The following NWD1 variants were observed in gnomAD, a reference collection of about 807,000 sequenced individuals.
NWD1 encodes the protein NACHT domain- and WD repeat-containing protein 1.
A neutral mutation model predicts 135.1 loss-of-function variants in NWD1; 129 were observed. The observed-to-expected ratio is 0.96, with a 90% confidence interval of 0.83 to 1.11. The LOEUF is 1.11. NWD1 is among the 50% of genes least tolerant of loss of function. The pLI is 0.00. For missense variants in NWD1, 1,740 were observed against 1,851.3 expected, an observed-to-expected ratio of 0.94 and a Z score of 1.10; for synonymous variants, 773 against 786.0, an observed-to-expected ratio of 0.98 and a Z score of 0.28.
chr19:16,816,858 T>C lies in NWD1; in HGVS notation c.*1819T>C, dbSNP rs1467097003. ...CAGGTTTTGGTAGTTCTGCAAATGT[T>C]AGTGTCAAATTTCATTTAAAAATAT... On this transcript the variant is annotated 3_prime_UTR_variant, in exon 19 of 19. Coordinates refer to ENST00000524140, the MANE Select transcript of NWD1 (RefSeq NM_001007525.5). 6.6e-6 allele frequency: 1 copy of C among 152,202 alleles called. No homozygotes were observed. The highest frequency in any genetic ancestry group is 1.5e-5 in the Non-Finnish European group (1 of 68,026). The allele number at this position is 152,202 out of a possible 1,614,324, so 9.4% of individuals were successfully genotyped here. A position where few individuals can be genotyped will look rare whatever the true frequency, so the allele number is the denominator to read the frequency against.
chr19:16,723,088 C>G (rs1216938534), intron 1 of NWD1, among the ~76,000 whole-genome samples: 1 of 152,032 alleles, frequency 6.6e-6, no homozygotes, highest in African/African-American at 2.4e-5. Flanking sequence ...GAGTCTCTCT[C>G]TGTTGCCCAG....
At position 16,807,900 on chromosome 19, in the gene NWD1, C is replaced by G. The variant is rs1488833073; in HGVS notation, c.4051C>G (p.Leu1351Val). 2 of 1,614,216 alleles carry G rather than the reference C, an allele frequency of 1.2e-6. No individual in the cohort carries two copies. The highest frequency in any genetic ancestry group is 1.7e-6 in the Non-Finnish European group (2 of 1,180,044). Residue 1351 changes from leucine (L) to valine (V), a missense_variant, in exon 18 of 19, where the codon CTC (leucine) becomes GTC (valine). By Grantham distance (32) the Leu-to-Val change is conservative. Transcript: ENST00000524140. The stretch of plus-strand genomic sequence containing the variant: ...CTTTTACACTCAGCTGCCCGAGACC[C>G]TCTCCAGCGTGGCCATTCTGACGGA... The part of the protein sequence containing the change: ...YTFYTQLPET[L>V]SSVAILTDYR...
At chr19:16,788,945 C>G in intron 12 of NWD1, 37 bp from the exon 13 acceptor site, 1 of 1,504,822 alleles carries the variant, frequency 6.6e-7, no homozygotes, top group South Asian at 1.1e-5. Flanking sequence ...AAAATGTTCC[C>G]AGCTAATATA....
chr19:16,812,831 T>C, intron 18 of NWD1: 1 of 780,962 alleles, frequency 1.3e-6, no homozygotes, highest in Non-Finnish European at 2.4e-6. Flanking sequence ...GCTCTATACT[T>C]GTTTGGAGTG....
At chr19:16,739,161 G>A (rs964291160) in intron 4 of NWD1, among the ~76,000 whole-genome samples, 3 of 143,188 alleles carry the variant, frequency 2.1e-5, no homozygotes, top group Non-Finnish European at 4.5e-5. Flanking sequence ...TTTCAAAGGA[G>A]CCCAATGATC....
chr19:16,762,070 T>G lies in NWD1; in HGVS notation c.2065T>G (p.Trp689Gly). ...GVLADFFSGT[W>G]SQGTKKLITL... Reference sequence around the variant, plus strand: ...CCTGGCCGACTTCTTCTCAGGGACCTGGAGCCAGGGTACCAAGAAGCTCAT... The same window carrying G: ...CCTGGCCGACTTCTTCTCAGGGACCGGGAGCCAGGGTACCAAGAAGCTCAT... Residue 689 changes from tryptophan to glycine, a missense_variant, in exon 8 of 19, where the codon TGG becomes GGG. By Grantham distance (184) the Trp-to-Gly change is radical. Coordinates refer to ENST00000524140, the MANE Select transcript of NWD1 (RefSeq NM_001007525.5). 6.2e-7 allele frequency: 1 copy of G among 1,614,090 alleles called. No individual in the cohort carries two copies.
chr19:16,786,563 T>G (rs1186504054), intron 12 of NWD1, among the ~76,000 whole-genome samples: 85 of 151,824 alleles, frequency 5.6e-4, no homozygotes, highest in Admixed American at 5.5e-3. Flanking sequence ...CTTTTTTTTT[T>G]TGAGACAGAG....
At chr19:16,783,887 G>A (rs1463988945) in intron 12 of NWD1, among the ~76,000 whole-genome samples, 1 of 151,980 alleles carries the variant, frequency 6.6e-6, no homozygotes. Context: ...TGCCATATTA[G>A]GTATTGTAAG....
chr19:16,772,372 A>T (rs1191854421), intron 10 of NWD1, among the ~76,000 whole-genome samples: 1 of 152,054 alleles, frequency 6.6e-6, no homozygotes, highest in East Asian at 1.9e-4. Flanking sequence ...CTCTAAAAAA[A>T]TAAATAGCCA....
At chr19:16,731,315 ATT>A in intron 3 of NWD1, 37 bp downstream of exon 3, 2 of 1,283,212 alleles carry the variant, frequency 1.6e-6, no homozygotes, top group Non-Finnish European at 1.1e-6. Flanking sequence ...TGCTTTTTTT[ATT>A]TTTTTTTGAC....
Position 16,762,132 on chromosome 19 carries a change from C to T in NWD1, c.2127C>T (p.Asp709=). Residue 709 remains aspartate, a synonymous_variant, in exon 8 of 19, where the codon GAC becomes GAT. Transcript: ENST00000524140. ...LPLVGKPLNL[D]RKVAPQPLWF... The stretch of plus-strand genomic sequence containing the variant: ...TTGTGGGGAAACCACTGAACTTGGA[C>T]CGAAAGGTGAGGTACCTGGGACCCC... 6.2e-7 allele frequency: 1 copy of T among 1,612,658 alleles called. No homozygotes were observed. Among genetic ancestry groups the T allele is most frequent in the Non-Finnish European group, 8.5e-7 (1 of 1,178,958 alleles).
At chr19:16,799,184 A>G (rs2361631) in intron 16 of NWD1, among the ~76,000 whole-genome samples, 90 of 151,894 alleles carry the variant, frequency 5.9e-4, no homozygotes, top group African/African-American at 2.0e-3. Flanking sequence ...TGTATTTCTT[A>G]TTTTCTTATT....
At chr19:16,769,459 T>TA (rs35986056) in intron 10 of NWD1, among the ~76,000 whole-genome samples, 21,736 of 147,938 alleles carry the variant, frequency 0.15, 2,174 homozygotes, top group African/African-American at 0.29. Context: ...AAAATTCCAT[T>TA]AAAAAAAAAA....
At position 16,747,279 on chromosome 19, in the gene NWD1, C is replaced by A. The variant is rs150160530; in HGVS notation, c.497-1860C>A. ...CTCGAACTCCTGACCTCTTGATCGG[C>A]CCGCCTTGGCCTCCCAAAGTGCTGG... On this transcript the variant is annotated intron_variant, in intron 5 of 18. Transcript: ENST00000524140. Among the ~76,000 whole-genome samples the A allele has an allele frequency of 8.9e-3, 1,356 of 151,580 alleles. 24 individuals are homozygous for A. The highest frequency in any genetic ancestry group is 0.031 in the African/African-American group (1,304 of 41,410).
intron 10 of NWD1, among the ~76,000 whole-genome samples, chr19:16,766,010 C>G (rs1969209137): frequency 7.6e-6 from 1 of 131,522 alleles, no homozygotes; most frequent in Non-Finnish European, 1.6e-5. Context: ...GAGTGAGACT[C>G]CGTCTCAAAA....
intron 6 of NWD1, among the ~76,000 whole-genome samples, chr19:16,756,481 G>A (rs1457591139): frequency 1.3e-5 from 2 of 151,974 alleles, no homozygotes; most frequent in African/African-American, 4.8e-5. Context: ...TTCTTCAAGG[G>A]TCAACTATAT....
chr19:16,798,012 C>G, intron 16 of NWD1, 126 bp downstream of exon 16: 1 of 827,938 alleles, frequency 1.2e-6, no homozygotes, highest in East Asian at 2.5e-5. Context: ...TAGGTGAGTT[C>G]ATTGGGAGGA....
chr19:16,751,613 C>CAA (rs1365626791), intron 6 of NWD1, among the ~76,000 whole-genome samples: 2 of 151,794 alleles, frequency 1.3e-5, no homozygotes, highest in African/African-American at 4.8e-5. Context: ...CCAGTCTGGT[C>CAA]AACATGGTGA....
intron 6 of NWD1, among the ~76,000 whole-genome samples, chr19:16,753,672 G>C (rs1968665726): frequency 6.6e-6 from 1 of 152,160 alleles, no homozygotes; most frequent in Admixed American, 6.5e-5. Flanking sequence ...CAGGGATGCT[G>C]TTTAACACCC....
Sources: allele counts gnomAD v4.1 joint callset (sites outside exome capture counted in the v4.1 genomes callset), GRCh38; gene constraint gnomAD v4.1.1; transcripts MANE v1.5; gene names NCBI Gene and HGNC (gene_info 2026-07-23, HGNC 2026-07-21).